WDR86: variants seen among roughly 807,000 people sequenced by gnomAD.
WDR86 encodes the protein WD repeat domain 86, also known as WD repeat-containing protein 86.
WDR86 carries 30 observed loss-of-function variants against 36.5 expected under a neutral mutation model. The ratio of observed to expected loss-of-function variants is 0.82; its 90% CI spans 0.61 to 1.11. The LOEUF is 1.11. Ranked by LOEUF, WDR86 falls within the 50% of genes most tolerant of loss-of-function variation. WDR86 has a pLI of 0.00. For missense variants in WDR86, 545 were observed against 561.2 expected, an observed-to-expected ratio of 0.97 and a Z score of 0.29; for synonymous variants, 255 against 252.9, an observed-to-expected ratio of 1.01 and a Z score of -0.08.
chr7:151,381,583 C>G lies in WDR86; in HGVS notation c.1130G>C (p.Ter377SerextTer118). 1 of 1,370,802 alleles carries G rather than the reference C, an allele frequency of 7.3e-7. No individual in the cohort carries two copies. The highest frequency in any genetic ancestry group is 9.3e-7 in the Non-Finnish European group (1 of 1,071,956). 84.9% of individuals were successfully genotyped at this position (1,370,802 alleles called of 1,614,324 possible). A position where few individuals can be genotyped will look rare whatever the true frequency, so the allele number is the denominator to read the frequency against. Residue 377 changes from the stop codon to serine (S), a stop_lost, in exon 6 of 6, where the codon TGA becomes TCA. Coordinates refer to ENST00000334493, the MANE Select transcript of WDR86 (RefSeq NM_198285.3). This position sits in a 1 kb window ranked among gnomAD's most constrained non-coding sequence, Gnocchi z 4.8. The stretch of plus-strand genomic sequence containing the variant: ...GGCGTCTGCAGGGGCCCCGCGGGAT[C>G]AGGCCGGCTGCAGGGGCGCGGCGGC... ...GCAAAPLQPA* is the reference protein window; with the variant it reads ...GCAAAPLQPAS
chr7:151,375,836 T>C (rs1798192425), downstream of WDR86: 5 of 1,567,726 alleles, frequency 3.2e-6, no homozygotes, highest in Admixed American at 1.7e-5. Flanking sequence ...AGGGTGTTCC[T>C]GTGTGTTTTA....
rs1053432481 is a variant in WDR86 at position 151,401,690 on chromosome 7, G to A, written c.164-1449C>T. 6.6e-6 allele frequency among the ~76,000 whole-genome samples: 1 copy of A among 152,104 alleles called. No homozygotes were observed. Among genetic ancestry groups the A allele is most frequent in the African/African-American group, 2.4e-5 (1 of 41,418 alleles). ...TGACCTTACTTGGAAAGGGGTCTTT[G>A]TGGATGTGACGAGGTAAAGACTTTG... On this transcript the variant is annotated intron_variant, in intron 1 of 5. Transcript: ENST00000334493. The surrounding 1 kb of genome is among the most constrained non-coding windows in gnomAD (Gnocchi z 4.3).
At chr7:151,374,850 GGTCA>G (rs1798135618), downstream of WDR86, among the ~76,000 whole-genome samples, 1 of 152,190 alleles carries the variant, frequency 6.6e-6, no homozygotes, top group African/African-American at 2.4e-5. Context: ...CGGCCCCGCA[GGTCA>G]GTGAGAGACA....
At position 151,409,966 on chromosome 7, in the gene WDR86, G is replaced by T. The variant is rs1478995840; in HGVS notation, c.-377C>A. 2.0e-6 allele frequency: 2 copies of T among 1,019,852 alleles called. No individual in the cohort carries two copies. Among genetic ancestry groups the T allele is most frequent in the Non-Finnish European group, 1.2e-6 (1 of 853,376 alleles). The allele number at this position is 1,019,852 out of a possible 1,614,324, so 63.2% of individuals were successfully genotyped here. A position where few individuals can be genotyped will look rare whatever the true frequency, so the allele number is the denominator to read the frequency against. On this transcript the variant is annotated 5_prime_UTR_variant, in exon 1 of 6. Coordinates refer to ENST00000334493, the MANE Select transcript of WDR86 (RefSeq NM_198285.3). The surrounding 1 kb of genome is among the most constrained non-coding windows in gnomAD (Gnocchi z 5.2). ...CCCCGCCTCCTCTCGCGCCCACGGG[G>T]CTGGGGCGGGGAGAGGAACACGGGA...
chr7:151,381,411 C>T lies in WDR86; in HGVS notation c.*171G>A, dbSNP rs1408603902. ...GGGCGAGCACTCCCGCTCCCAGCGCCTCCTGGCCACCAAAGAAAAACCAGA... is the reference window on the plus strand; with the variant it reads ...GGGCGAGCACTCCCGCTCCCAGCGCTTCCTGGCCACCAAAGAAAAACCAGA... On this transcript the variant is annotated 3_prime_UTR_variant, in exon 6 of 6. Coordinates refer to ENST00000334493, the MANE Select transcript of WDR86 (RefSeq NM_198285.3). This position sits in a 1 kb window ranked among gnomAD's most constrained non-coding sequence, Gnocchi z 4.8. 5.7e-5 allele frequency: 85 copies of T among 1,486,972 alleles called. No individual in the cohort carries two copies. The highest frequency in any genetic ancestry group is 7.5e-5 in the Non-Finnish European group (85 of 1,126,592). The allele number at this position is 1,486,972 out of a possible 1,614,324, so 92.1% of individuals were successfully genotyped here. A position where few individuals can be genotyped will look rare whatever the true frequency, so the allele number is the denominator to read the frequency against.
At position 151,381,705 on chromosome 7, in the gene WDR86, G is replaced by A. The variant is rs1798584058; in HGVS notation, c.1008C>T (p.Ala336=). 2.0e-6 allele frequency: 3 copies of A among 1,492,650 alleles called. No homozygotes were observed. The highest frequency in any genetic ancestry group is 2.7e-6 in the Non-Finnish European group (3 of 1,127,632). 92.5% of individuals were successfully genotyped at this position (1,492,650 alleles called of 1,614,324 possible). ...QVLYTASHDG[A]LRLWDVRGLR... ...GCCCGCGCACGTCCCAGAGGCGCAG[G>A]GCGCCGTCGTGCGAGGCGGTGTAGA... Residue 336 remains alanine, a synonymous_variant, in exon 6 of 6, where the codon GCC becomes GCT. Coordinates refer to ENST00000334493, the MANE Select transcript of WDR86 (RefSeq NM_198285.3). This position sits in a 1 kb window ranked among gnomAD's most constrained non-coding sequence, Gnocchi z 4.8.
chr7:151,389,763 C>G (rs1799278613), intron 3 of WDR86, among the ~76,000 whole-genome samples: 2 of 152,226 alleles, frequency 1.3e-5, no homozygotes, highest in Non-Finnish European at 2.9e-5. Flanking sequence ...GAGGCCCTCT[C>G]TCATTTCGAG....
In WDR86 at chr7:151,406,169, C is replaced by T. The variant is rs1800688524; in HGVS notation, c.163+3258G>A. On this transcript the variant is annotated intron_variant, in intron 1 of 5. Transcript: ENST00000334493. The surrounding 1 kb of genome is among the most constrained non-coding windows in gnomAD (Gnocchi z 4.4). ...TCCGTGTATGAACAAGTGAATGCACCCACAGGGAGGGGCTCCCCACACGCC... is the reference window on the plus strand; with the variant it reads ...TCCGTGTATGAACAAGTGAATGCACTCACAGGGAGGGGCTCCCCACACGCC... Among the ~76,000 whole-genome samples the T allele has an allele frequency of 6.6e-6, 1 of 152,108 alleles. No individual in the cohort carries two copies. The highest frequency in any genetic ancestry group is 6.5e-5 in the Admixed American group (1 of 15,270).
chr7:151,374,156 C>G (rs1249161883), downstream of WDR86: 1 of 1,577,226 alleles, frequency 6.3e-7, no homozygotes, highest in East Asian at 2.3e-5. Context: ...TCGAGAACAT[C>G]AGGTTTCTGA....
At chr7:151,383,178 T>TCG (rs1217557339) in intron 4 of WDR86, among the ~76,000 whole-genome samples, 51 of 58,518 alleles carry the variant, frequency 8.7e-4, no homozygotes, top group Admixed American at 3.1e-3. Flanking sequence ...GGCGGCGGGG[T>TCG]GGGGGGGGGG....
chr7:151,376,005 C>T, exon 2 of WDR86: 1 of 1,060,544 alleles, frequency 9.4e-7, no homozygotes, highest in East Asian at 2.4e-5. Flanking sequence ...CTTGGGGTAA[C>T]CCGGGTGAAT....
At chr7:151,379,927 G>A (rs1199605944), downstream of WDR86, among the ~76,000 whole-genome samples, 3 of 152,224 alleles carry the variant, frequency 2.0e-5, no homozygotes, top group Non-Finnish European at 4.4e-5. Context: ...CCCGCAGGCA[G>A]CACTCAAGGC....
the WDR86 span, among the ~76,000 whole-genome samples, chr7:151,370,049 A>G: frequency 9.9e-5 from 15 of 151,842 alleles, no homozygotes; most frequent in East Asian, 2.5e-3. Context: ...GGGTCTTGCT[A>G]TAGAAGTCAA....
intron 3 of WDR86, among the ~76,000 whole-genome samples, 184 bp downstream of exon 3, chr7:151,395,592 A>G (rs1799759740): frequency 6.6e-6 from 1 of 152,102 alleles, no homozygotes; most frequent in Non-Finnish European, 1.5e-5. Flanking sequence ...CACGGAAACC[A>G]GTACTGCGGA....
In WDR86 at chr7:151,391,836, T is replaced by C. The variant is rs1585015238; in HGVS notation, c.726+3940A>G. 1.4e-5 allele frequency among the ~76,000 whole-genome samples: 2 copies of C among 146,690 alleles called. 1 individual carries two copies. Among genetic ancestry groups the C allele is most frequent in the South Asian group, 4.4e-4 (2 of 4,564 alleles). ...AGTCCAAGTACAGGGGTGCGCCTCCTCCCCAGCCCCGCCCCTCCCACGCAC... is the reference window on the plus strand; with the variant it reads ...AGTCCAAGTACAGGGGTGCGCCTCCCCCCCAGCCCCGCCCCTCCCACGCAC... On this transcript the variant is annotated intron_variant, in intron 3 of 5. Coordinates refer to ENST00000334493, the MANE Select transcript of WDR86 (RefSeq NM_198285.3).
chr7:151,392,455 C>A (rs1394587113), intron 3 of WDR86, among the ~76,000 whole-genome samples: 6 of 152,184 alleles, frequency 3.9e-5, no homozygotes, highest in Non-Finnish European at 7.4e-5. Flanking sequence ...CAGAGTCCCC[C>A]ACTGTGAGAG....
chr7:151,384,443 C>T (rs1023830271), intron 4 of WDR86, among the ~76,000 whole-genome samples: 2 of 152,220 alleles, frequency 1.3e-5, no homozygotes, highest in African/African-American at 4.8e-5. Flanking sequence ...AAGACGCGTC[C>T]TTTCGCCCTT....
downstream of WDR86, chr7:151,376,689 G>A: frequency 6.2e-7 from 1 of 1,610,994 alleles, no homozygotes; most frequent in Non-Finnish European, 8.5e-7. Context: ...AGAGTGTTCA[G>A]AGGCAACGTC....
At chr7:151,392,609 G>C (rs910549445) in intron 3 of WDR86, among the ~76,000 whole-genome samples, 1 of 152,126 alleles carries the variant, frequency 6.6e-6, no homozygotes, top group East Asian at 1.9e-4. Context: ...AGGTCGGGAG[G>C]CCGAGTCTAA....
Sources: gnomAD v4.1 joint callset for allele counts (sites outside exome capture counted in the v4.1 genomes callset) on GRCh38, gnomAD v4.1.1 for gene constraint, Gnocchi (gnomAD v3.1) non-coding constraint, MANE v1.5 for transcripts, NCBI Gene and HGNC (gene_info 2026-07-23, HGNC 2026-07-21) for gene names.